ABCD3: variants seen among roughly 807,000 people sequenced by gnomAD.
ABCD3 encodes the protein ATP-binding cassette sub-family D member 3.
A neutral mutation model predicts 105.5 loss-of-function variants in ABCD3; 41 were observed. That is an observed-to-expected ratio of 0.39 (90% CI 0.30 to 0.50). The LOEUF (loss-of-function observed/expected upper bound fraction) is 0.50, where lower values mean the gene tolerates loss of function less well. ABCD3 is among the 20% of genes least tolerant of loss of function. The pLI is 0.84. For synonymous variants in ABCD3, 258 were observed against 269.0 expected (o/e 0.96, Z 0.40); for missense variants, 622 against 806.3 (o/e 0.77, Z 2.77).
rs369021060 is a variant in ABCD3 at position 94,460,379 on chromosome 1, T to A, written c.147+1736T>A. On this transcript the variant is annotated intron_variant, in intron 2 of 22. Coordinates refer to ENST00000370214, the MANE Select transcript of ABCD3 (RefSeq NM_002858.4). ...GGACCAAGGAGATTGCTCTGTGACATCTCTTAATCTTTGTTTCTGGTTATT... is the reference window on the plus strand; with the variant it reads ...GGACCAAGGAGATTGCTCTGTGACAACTCTTAATCTTTGTTTCTGGTTATT... 1.1e-4 allele frequency among the ~76,000 whole-genome samples: 16 copies of A among 152,266 alleles called. No homozygotes were observed. In the South Asian group the frequency reaches 3.3e-3, roughly 31 times the overall value.
chr1:94,419,834 T>C (rs991630003), intron 1 of ABCD3, among the ~76,000 whole-genome samples: 2 of 152,216 alleles, frequency 1.3e-5, no homozygotes, highest in African/African-American at 4.8e-5. Flanking sequence ...GTCTGGGCAA[T>C]AACAGCGCTT....
At chr1:94,504,528 T>C (rs1315851685) in intron 20 of ABCD3, among the ~76,000 whole-genome samples, 1 of 152,106 alleles carries the variant, frequency 6.6e-6, no homozygotes, top group African/African-American at 2.4e-5. Context: ...ATTTGAGACA[T>C]CAGAAAAGAA....
intron 20 of ABCD3, among the ~76,000 whole-genome samples, chr1:94,503,180 T>G (rs1164559201): frequency 6.6e-6 from 1 of 152,148 alleles, no homozygotes; most frequent in East Asian, 1.9e-4. Flanking sequence ...GCTTTACAAC[T>G]TTCTTGTATT....
chr1:94,400,776 T>C, the ABCD3 span, among the ~76,000 whole-genome samples: 2 of 152,230 alleles, frequency 1.3e-5, no homozygotes, highest in Non-Finnish European at 2.9e-5. Flanking sequence ...TTATTACCAC[T>C]GTGCAGTTTC....
At chr1:94,413,233 T>C in the ABCD3 span, among the ~76,000 whole-genome samples, 1 of 152,226 alleles carries the variant, frequency 6.6e-6, no homozygotes, top group Non-Finnish European at 1.5e-5. Context: ...ATTCATTCTT[T>C]GAGCAATTTT....
rs1177969165 is a variant in ABCD3, at chr1:94,487,528, T to C, written c.898-14T>C. On this transcript the variant is annotated splice_polypyrimidine_tract_variant and intron_variant, in intron 10 of 22. Coordinates refer to ENST00000370214, the MANE Select transcript of ABCD3 (RefSeq NM_002858.4). ...CAGAGAAAAAGATGGTTTTTTGTTT[T>C]TGTTTTCTGCCAGGTGGAACACCTA... 1.2e-6 allele frequency: 2 copies of C among 1,612,588 alleles called. No homozygotes were observed. Among genetic ancestry groups the C allele is most frequent in the South Asian group, 1.1e-5 (1 of 90,990 alleles).
At chr1:94,457,739 A>G (rs945086727) in intron 1 of ABCD3, among the ~76,000 whole-genome samples, 1 of 152,084 alleles carries the variant, frequency 6.6e-6, no homozygotes, top group Non-Finnish European at 1.5e-5. Flanking sequence ...CTTGCTTTAG[A>G]ATTTCCTATA....
intron 20 of ABCD3, among the ~76,000 whole-genome samples, chr1:94,505,371 ATTTTTTTTTT>A (rs71097204): frequency 8.4e-6 from 1 of 118,890 alleles, no homozygotes; most frequent in Non-Finnish European, 1.7e-5. Context: ...TGCTTGGCTA[ATTTTTTTTTT>A]TTTTTTTTTT....
chr1:94,493,833 C>G (rs1001649069), intron 16 of ABCD3, among the ~76,000 whole-genome samples: 1 of 152,068 alleles, frequency 6.6e-6, no homozygotes, highest in African/African-American at 2.4e-5. Context: ...TCTCAGTAAA[C>G]TATCGCAAGG....
intron 7 of ABCD3, 88 bp downstream of exon 7, chr1:94,475,825 C>A: frequency 9.8e-7 from 1 of 1,024,994 alleles, no homozygotes; most frequent in Non-Finnish European, 1.5e-6. Flanking sequence ...ATTTTGTGGA[C>A]ATAACAGCAG....
At chr1:94,387,606 T>C in the ABCD3 span, among the ~76,000 whole-genome samples, 2 of 152,206 alleles carry the variant, frequency 1.3e-5, no homozygotes, top group Non-Finnish European at 1.5e-5. Flanking sequence ...ACCAAACCCA[T>C]TGTGCTACTT....
At chr1:94,428,650 A>G (rs1368912495) in intron 1 of ABCD3, among the ~76,000 whole-genome samples, 2 of 152,146 alleles carry the variant, frequency 1.3e-5, no homozygotes, top group Non-Finnish European at 2.9e-5. Context: ...GTTCTCCTGT[A>G]CAAGCTCTTT....
At position 94,515,046 on chromosome 1, in the gene ABCD3, T is replaced by C. The variant is rs1243594694; in HGVS notation, c.1846-100T>C. 1.3e-5 allele frequency: 12 copies of C among 915,420 alleles called. No individual in the cohort carries two copies. In the East Asian group the frequency reaches 2.9e-4, roughly 22 times the overall value. 56.7% of individuals were successfully genotyped at this position (915,420 alleles called of 1,614,324 possible). A position where few individuals can be genotyped will look rare whatever the true frequency, so the allele number is the denominator to read the frequency against. Reference sequence around the variant, plus strand: ...TCTCATTGACATTGCTTTTTAACTTTAGTCACTGAAGACTGTCCTCTTAAC... The same window carrying C: ...TCTCATTGACATTGCTTTTTAACTTCAGTCACTGAAGACTGTCCTCTTAAC... On this transcript the variant is annotated intron_variant, in intron 21 of 22. Transcript: ENST00000370214.
chr1:94,442,003 A>G (rs1379540686), intron 1 of ABCD3, among the ~76,000 whole-genome samples: 2 of 152,312 alleles, frequency 1.3e-5, no homozygotes, highest in Non-Finnish European at 2.9e-5. Context: ...CTATAGTTAT[A>G]TAAGAGAAAG....
chr1:94,447,777 G>A (rs1037818230), intron 1 of ABCD3, among the ~76,000 whole-genome samples: 1 of 152,150 alleles, frequency 6.6e-6, no homozygotes, highest in Non-Finnish European at 1.5e-5. Flanking sequence ...CTCCTACTTA[G>A]GGACCTTAGT....
the ABCD3 span, among the ~76,000 whole-genome samples, chr1:94,408,838 T>C: frequency 6.6e-6 from 1 of 152,124 alleles, no homozygotes; most frequent in South Asian, 2.1e-4. Context: ...TTCATTGCAA[T>C]GAAACACAAG....
At chr1:94,422,897 A>G (rs906274349) in intron 1 of ABCD3, among the ~76,000 whole-genome samples, 1 of 152,220 alleles carries the variant, frequency 6.6e-6, no homozygotes, top group Admixed American at 6.5e-5. Context: ...AAAACAGAAC[A>G]GAACAAAGCA....
chr1:94,437,449 T>G (rs1659948449), intron 1 of ABCD3, among the ~76,000 whole-genome samples: 1 of 152,212 alleles, frequency 6.6e-6, no homozygotes, highest in South Asian at 2.1e-4. Flanking sequence ...AAAACCTGGA[T>G]AGCAGCACGT....
chr1:94,494,496 ATCAACAAATGTTCT>A (rs2101032805), intron 16 of ABCD3, among the ~76,000 whole-genome samples: 1 of 152,310 alleles, frequency 6.6e-6, no homozygotes, highest in East Asian at 1.9e-4. Flanking sequence ...CCTTTCTATA[ATCAACAAATGTTCT>A]TCAGTTCTTT....
Sources: gnomAD v4.1 joint callset for allele counts (sites outside exome capture counted in the v4.1 genomes callset) on GRCh38, gnomAD v4.1.1 for gene constraint, MANE v1.5 for transcripts, NCBI Gene and HGNC (gene_info 2026-07-23, HGNC 2026-07-21) for gene names.